DHX29: variants seen among roughly 807,000 people sequenced by gnomAD.
DHX29 encodes DExH-box helicase 29.
A neutral mutation model predicts 167.9 loss-of-function variants in DHX29; 79 were observed. The ratio of observed to expected loss-of-function variants is 0.47; its 90% CI spans 0.39 to 0.57. The LOEUF (loss-of-function observed/expected upper bound fraction) is 0.57, where lower values mean the gene tolerates loss of function less well. Among genes scored for constraint, DHX29 ranks in the 20% least tolerant of loss-of-function variants. The pLI is 0.00. For missense variants in DHX29, 1,347 were observed against 1,593.4 expected, an observed-to-expected ratio of 0.85 and a Z score of 2.63; for synonymous variants, 530 against 546.0, an observed-to-expected ratio of 0.97 and a Z score of 0.41.
chr5:55,278,466 G>C (rs1179129249), intron 12 of DHX29, among the ~76,000 whole-genome samples: 1 of 152,174 alleles, frequency 6.6e-6, no homozygotes, highest in Non-Finnish European at 1.5e-5. Flanking sequence ...ATTTCACAGA[G>C]TTGTGACAAT....
intron 1 of DHX29, among the ~76,000 whole-genome samples, chr5:55,305,754 G>A (rs72751775): frequency 6.6e-6 from 1 of 152,354 alleles, no homozygotes; most frequent in Non-Finnish European, 1.5e-5. Context: ...GGGGAAAGAA[G>A]AGTGGTTTAG....
intron 10 of DHX29, among the ~76,000 whole-genome samples, chr5:55,284,410 A>C (rs960637438): frequency 6.6e-6 from 1 of 152,238 alleles, no homozygotes; most frequent in East Asian, 1.9e-4. Context: ...TGCTATAAAG[A>C]ATCCACAATT....
chr5:55,300,444 G>A (rs576137441), intron 1 of DHX29, among the ~76,000 whole-genome samples: 6 of 152,214 alleles, frequency 3.9e-5, no homozygotes, highest in African/African-American at 1.4e-4. Flanking sequence ...ACGCGGAGGC[G>A]GGCAGATCAC....
chr5:55,290,264 CTTGT>C lies in DHX29; in HGVS notation c.857_860del (p.Asn286SerfsTer11), dbSNP rs765664094. The stretch of plus-strand genomic sequence containing the variant: ...TTTCCTGAGCCTCTTTTTGGCCTTG[CTTGT>C]TTTTTTCTAGTTTAAAGGTAGCTGC... On this transcript the variant is annotated frameshift_variant, in exon 7 of 27. Transcript: ENST00000251636. LOFTEE classifies it high-confidence loss of function. 6.2e-7 allele frequency: 1 copy of C among 1,611,578 alleles called. No individual in the cohort carries two copies. The highest frequency in any genetic ancestry group is 1.1e-5 in the South Asian group (1 of 90,778).
intron 3 of DHX29, among the ~76,000 whole-genome samples, chr5:55,296,572 C>T (rs1189969423): frequency 6.6e-6 from 1 of 152,084 alleles, no homozygotes; most frequent in African/African-American, 2.4e-5. Flanking sequence ...TTCTCACTAT[C>T]CAAAGATACT....
Position 55,274,742 on chromosome 5 carries a change from T to TA in DHX29, c.2573-12dup, listed in dbSNP as rs1747021785. On this transcript the variant is annotated splice_polypyrimidine_tract_variant and intron_variant, in intron 15 of 26. Coordinates refer to ENST00000251636, the MANE Select transcript of DHX29 (RefSeq NM_019030.4). ...ATTGGGGACTTTTATCTGAAATTTT[T>TA]AAAAAGATACAATATTCAAAATAAG... 6.3e-7 allele frequency: 1 copy of TA among 1,576,294 alleles called. No homozygotes were observed. Among genetic ancestry groups the TA allele is most frequent in the Non-Finnish European group, 8.6e-7 (1 of 1,165,996 alleles).
At chr5:55,267,630 A>G in intron 22 of DHX29, 56 bp downstream of exon 22, 1 of 1,471,332 alleles carries the variant, frequency 6.8e-7, no homozygotes, top group Non-Finnish European at 9.1e-7. Flanking sequence ...AATATATTTT[A>G]AAGTAAATAA....
rs2111907793 is a variant in DHX29 at position 55,285,872 on chromosome 5, A to G, written c.1067-11T>C. ...GTTCTTTCTTTTTATCTAAAATGGT[A>G]AACAAAGATTGGTTCTTTAAAAATG... On this transcript the variant is annotated splice_polypyrimidine_tract_variant and intron_variant, in intron 8 of 26. Transcript: ENST00000251636. The G allele has an allele frequency of 6.5e-7, 1 of 1,540,628 alleles. No homozygotes were observed. The highest frequency in any genetic ancestry group is 1.8e-4 in the Middle Eastern group (1 of 5,710).
chr5:55,289,441 A>C lies in DHX29; in HGVS notation c.908-13T>G. ...AAAGTTTCCATTTCTACCAAGAAAA[A>C]AATATAATGTTTAGTTTCATGGTTT... On this transcript the variant is annotated splice_polypyrimidine_tract_variant and intron_variant, in intron 7 of 26. Transcript: ENST00000251636. 2 of 1,516,920 alleles carry C rather than the reference A, an allele frequency of 1.3e-6. No individual in the cohort carries two copies. Among genetic ancestry groups the C allele is most frequent in the Non-Finnish European group, 1.7e-6 (2 of 1,143,632 alleles). 94.0% of individuals were successfully genotyped at this position (1,516,920 alleles called of 1,614,324 possible). A position where few individuals can be genotyped will look rare whatever the true frequency, so the allele number is the denominator to read the frequency against.
At chr5:55,266,546 T>G (rs1241073740) in intron 23 of DHX29, among the ~76,000 whole-genome samples, 1 of 149,194 alleles carries the variant, frequency 6.7e-6, no homozygotes, top group African/African-American at 2.5e-5. Context: ...CAACCTCAGG[T>G]GATTTTTTTT....
At position 55,262,666 on chromosome 5, in the gene DHX29, A is replaced by G. The variant is rs778676256; in HGVS notation, c.3792T>C (p.Asp1264=). 1.9e-6 allele frequency: 3 copies of G among 1,614,052 alleles called. No individual in the cohort carries two copies. The Admixed American group carries it at 5.0e-5, about 27-fold the overall frequency. ...AQVHPSSVNR[D]LQTHGWLLYQ... ...ATAAGAGCCATCCATGAGTTTGCAA[A>G]TCTCGATTTACTGAGGATGGGTGTA... Residue 1264 remains aspartate (D), a synonymous_variant, in exon 24 of 27, where the codon GAT becomes GAC. Transcript: ENST00000251636.
At chr5:55,298,408 A>C (rs1048026996) in intron 2 of DHX29, among the ~76,000 whole-genome samples, 183 bp downstream of exon 2, 1 of 152,176 alleles carries the variant, frequency 6.6e-6, no homozygotes, top group African/African-American at 2.4e-5. Flanking sequence ...GCCTTCCTTC[A>C]TTTCTTACTG....
chr5:55,300,675 A>G (rs1748554043), intron 1 of DHX29, among the ~76,000 whole-genome samples: 1 of 152,238 alleles, frequency 6.6e-6, no homozygotes, highest in East Asian at 1.9e-4. Context: ...TCTGTCTCAA[A>G]AAAACAAAAG....
intron 20 of DHX29, among the ~76,000 whole-genome samples, chr5:55,270,126 A>T (rs1395158042): frequency 1.3e-5 from 2 of 151,976 alleles, no homozygotes; most frequent in Non-Finnish European, 2.9e-5. Context: ...ATGACAACCA[A>T]AAATATCTCC....
intron 1 of DHX29, among the ~76,000 whole-genome samples, chr5:55,304,802 C>T (rs962427674): frequency 2.0e-5 from 3 of 152,034 alleles, no homozygotes; most frequent in Non-Finnish European, 4.4e-5. Flanking sequence ...CCAGCTGTGC[C>T]GTCAAATTGG....
intron 14 of DHX29, among the ~76,000 whole-genome samples, chr5:55,275,677 G>A (rs1051921704): frequency 5.3e-5 from 8 of 152,210 alleles, no homozygotes; most frequent in African/African-American, 1.9e-4. Context: ...CTGAAAACAT[G>A]TCATTGAGAC....
At position 55,274,900 on chromosome 5, in the gene DHX29, G is replaced by A. The variant is rs572972699; in HGVS notation, c.2538C>T (p.Asn846=). The A allele has an allele frequency of 3.7e-6, 6 of 1,613,592 alleles. No homozygotes were observed. The highest frequency in any genetic ancestry group is 2.2e-5 in the East Asian group (1 of 44,834). Residue 846 remains asparagine, a synonymous_variant, in exon 15 of 27, where the codon AAC becomes AAT. Coordinates refer to ENST00000251636, the MANE Select transcript of DHX29 (RefSeq NM_019030.4). ...AILYMNPHKI[N]LDLILELLAY... ...CAAGAAGTTCCAAAATGAGATCCAG[G>A]TTGATTTTATGAGGATTCATGTATA...
At chr5:55,302,992 A>G (rs776113576) in intron 1 of DHX29, among the ~76,000 whole-genome samples, 20 of 152,168 alleles carry the variant, frequency 1.3e-4, no homozygotes, top group Non-Finnish European at 2.2e-4. Flanking sequence ...ATGAATTCCA[A>G]ATTTATAAAT....
intron 1 of DHX29, among the ~76,000 whole-genome samples, chr5:55,300,398 G>T (rs1307717744): frequency 6.6e-6 from 1 of 152,088 alleles, no homozygotes; most frequent in South Asian, 2.1e-4. Flanking sequence ...AATAGGCCAG[G>T]TGTGGTGGCT....
Sources: gnomAD v4.1 joint callset for allele counts (sites outside exome capture counted in the v4.1 genomes callset) on GRCh38, gnomAD v4.1.1 for gene constraint, MANE v1.5 for transcripts, NCBI Gene and HGNC (gene_info 2026-07-23, HGNC 2026-07-21) for gene names.